The following UBA2 variants were observed in gnomAD, a reference collection of about 807,000 sequenced individuals.
The protein encoded by UBA2 is SUMO-activating enzyme subunit 2.
A neutral mutation model predicts 77.2 loss-of-function variants in UBA2; 11 were observed. That is an observed-to-expected ratio of 0.14 (90% CI 0.09 to 0.24). The LOEUF (loss-of-function observed/expected upper bound fraction) is 0.24. UBA2 is among the 10% of genes least tolerant of loss of function. The pLI, the probability that UBA2 is intolerant of heterozygous loss-of-function variation, is 1.00. For synonymous variants in UBA2, 278 were observed against 276.7 expected (o/e 1.00, Z -0.05); for missense variants, 487 against 781.7 (o/e 0.62, Z 4.50).
intron 16 of UBA2, 24 bp downstream of exon 16, chr19:34,467,038 G>A (rs1317611916): frequency 1.9e-6 from 3 of 1,604,692 alleles, no homozygotes; most frequent in Non-Finnish European, 1.7e-6. Flanking sequence ...CAGCCAGCAG[G>A]TTGTTAAATA....
intron 5 of UBA2, 104 bp downstream of exon 5, chr19:34,435,072 C>A: frequency 1.2e-6 from 1 of 830,854 alleles, no homozygotes; most frequent in Non-Finnish European, 1.9e-6. Context: ...GGTGAACATC[C>A]AAAATGTAAG....
chr19:34,451,544 T>C (rs899498310), intron 9 of UBA2, among the ~76,000 whole-genome samples: 6 of 122,644 alleles, frequency 4.9e-5, no homozygotes, highest in Non-Finnish European at 8.6e-5. Flanking sequence ...CAGTTTTTTT[T>C]TTTTTTTTTT....
At chr19:34,436,293 A>G (rs1053684350) in intron 5 of UBA2, among the ~76,000 whole-genome samples, 1 of 148,074 alleles carries the variant, frequency 6.8e-6, no homozygotes, top group Admixed American at 6.7e-5. Context: ...GTTTTGGTTT[A>G]TTTATTTATT....
At chr19:34,454,396 T>A (rs760463123) in intron 11 of UBA2, 43 bp downstream of exon 11, 1 of 1,587,878 alleles carries the variant, frequency 6.3e-7, no homozygotes, top group Non-Finnish European at 8.6e-7. Flanking sequence ...AACCTTGAAG[T>A]TGTTTTTTAA....
intron 1 of UBA2, chr19:34,429,003 G>C: frequency 1.8e-5 from 18 of 985,580 alleles, no homozygotes; most frequent in Non-Finnish European, 2.0e-5. Context: ...GGCAATGATA[G>C]CGACCAACGC....
intron 14 of UBA2, 69 bp from the exon 15 acceptor site, chr19:34,463,957 T>G: frequency 8.5e-7 from 1 of 1,176,730 alleles, no homozygotes; most frequent in South Asian, 1.2e-5. Flanking sequence ...AGGTTTAGCT[T>G]TTTAAAAAAT....
At chr19:34,458,594 AAGGTTGAAAAACC>A (rs1487470741) in intron 12 of UBA2, 162 bp from the exon 13 acceptor site, 1 of 312,536 alleles carries the variant, frequency 3.2e-6, no homozygotes, top group Admixed American at 6.1e-5. Context: ...AAAAAAAAAG[AAGGTTGAAAAACC>A]AGGTTCCTAA....
chr19:34,458,338 G>C (rs1258131193), intron 12 of UBA2, among the ~76,000 whole-genome samples: 1 of 151,866 alleles, frequency 6.6e-6, no homozygotes, highest in African/African-American at 2.4e-5. Flanking sequence ...GGCGGATCAC[G>C]AGGTCAGGAG....
chr19:34,444,496 G>A (rs1472355462), intron 7 of UBA2, among the ~76,000 whole-genome samples: 1 of 152,142 alleles, frequency 6.6e-6, no homozygotes, highest in Non-Finnish European at 1.5e-5. Context: ...ACTGTTATAT[G>A]TGTAGCTTTC....
intron 3 of UBA2, among the ~76,000 whole-genome samples, chr19:34,432,412 A>C (rs1568366768): frequency 6.6e-6 from 1 of 152,178 alleles, no homozygotes. Context: ...ATTTTGGAGG[A>C]GTTGGAGCAA....
At chr19:34,438,133 T>TA (rs1568369847) in intron 5 of UBA2, among the ~76,000 whole-genome samples, 1 of 151,660 alleles carries the variant, frequency 6.6e-6, no homozygotes, top group Non-Finnish European at 1.5e-5. Flanking sequence ...TGTAGGGAGA[T>TA]ATATCTTGAA....
chr19:34,428,966 C>G (rs1599882053), intron 1 of UBA2: 1 of 986,070 alleles, frequency 1.0e-6, no homozygotes, highest in African/African-American at 1.7e-5. Context: ...TGTCGTAACT[C>G]CGAAGTAACG....
chr19:34,466,026 A>G (rs1378921715), intron 15 of UBA2, among the ~76,000 whole-genome samples: 1 of 152,124 alleles, frequency 6.6e-6, no homozygotes, highest in Non-Finnish European at 1.5e-5. Flanking sequence ...ATAAGACACC[A>G]CATTACTATA....
chr19:34,428,778 CCG>C, intron 1 of UBA2: 1 of 1,142,222 alleles, frequency 8.8e-7, no homozygotes, highest in East Asian at 3.5e-5. Context: ...GCTCGCTGGG[CCG>C]GCTCCGGACG....
Position 34,469,236 on chromosome 19 carries a change from A to G in UBA2, c.*15A>G, listed in dbSNP as rs781699500. 44 of 1,547,320 alleles carry G rather than the reference A, an allele frequency of 2.8e-5. No homozygotes were observed. The highest frequency in any genetic ancestry group is 1.7e-4 in the Middle Eastern group (1 of 5,828). On this transcript the variant is annotated 3_prime_UTR_variant, in exon 17 of 17. Transcript: ENST00000246548. ...CATTAGATTGAACAGAAATGCCTCT[A>G]AACAGAACCCTCTTACTATTTAGTT...
chr19:34,436,939 A>G (rs2075315204), intron 5 of UBA2, among the ~76,000 whole-genome samples: 5 of 152,212 alleles, frequency 3.3e-5, no homozygotes, highest in Admixed American at 2.6e-4. Context: ...TTGACAGATC[A>G]AGACGGAAGT....
At chr19:34,448,442 A>G (rs527331849) in intron 8 of UBA2, among the ~76,000 whole-genome samples, 429 of 152,214 alleles carry the variant, frequency 2.8e-3, no homozygotes, top group Non-Finnish European at 5.0e-3. Context: ...AAACGAAAAA[A>G]AAATAGCCAG....
At chr19:34,431,830 T>G (rs1415820848) in intron 2 of UBA2, 31 bp from the exon 3 acceptor site, 3 of 1,588,328 alleles carry the variant, frequency 1.9e-6, no homozygotes, top group Non-Finnish European at 2.6e-6. Context: ...ACAGAAATAT[T>G]GTAGTAATTC....
intron 8 of UBA2, among the ~76,000 whole-genome samples, chr19:34,447,977 A>G (rs1014077717): frequency 6.6e-6 from 1 of 152,190 alleles, no homozygotes; most frequent in Admixed American, 6.5e-5. Context: ...CATAAATCCC[A>G]TTAAGGGGGA....
Sources: gnomAD v4.1 joint callset for allele counts (sites outside exome capture counted in the v4.1 genomes callset) on GRCh38, gnomAD v4.1.1 for gene constraint, MANE v1.5 for transcripts, NCBI Gene and HGNC (gene_info 2026-07-23, HGNC 2026-07-21) for gene names.